Variants in DOCK5 observed in about 807,000 individuals in gnomAD.
The protein encoded by DOCK5 is dedicator of cytokinesis protein 5.
In DOCK5, 142 loss-of-function variants were observed where a neutral mutation model predicts 251.8. The ratio of observed to expected loss-of-function variants is 0.56; its 90% confidence interval spans 0.49 to 0.65. The LOEUF is 0.65. Ranked by LOEUF, DOCK5 falls within the 30% of genes least tolerant of loss-of-function variation. The pLI is 0.00. For missense variants in DOCK5, 2,111 were observed against 2,312.3 expected (o/e 0.91, Z 1.79); for synonymous variants, 842 against 835.5 (o/e 1.01, Z -0.13).
chr8:25,371,034 T>C lies in DOCK5; in HGVS notation c.3524+1393T>C, dbSNP rs148744419. Among the ~76,000 whole-genome samples, 18 of 152,308 alleles carry C rather than the reference T, an allele frequency of 1.2e-4. No homozygotes were observed. In the East Asian group the frequency reaches 3.5e-3, roughly 29 times the overall value. The stretch of plus-strand genomic sequence containing the variant: ...TTGCTTTCTCATGTTCCCTGAACTT[T>C]TCTAGTGTTGACCAACTGCATCTCC... On this transcript the variant is annotated intron_variant, in intron 34 of 51. Coordinates refer to ENST00000276440, the MANE Select transcript of DOCK5 (RefSeq NM_024940.8).
At chr8:25,288,346 G>A (rs1479601520) in intron 5 of DOCK5, among the ~76,000 whole-genome samples, 1 of 152,166 alleles carries the variant, frequency 6.6e-6, no homozygotes, top group African/African-American at 2.4e-5. Flanking sequence ...GAAGTGAATG[G>A]GGAAATTGTT....
At chr8:25,188,104 G>T (rs1403130080) in intron 1 of DOCK5, among the ~76,000 whole-genome samples, 7 of 152,136 alleles carry the variant, frequency 4.6e-5, no homozygotes, top group Admixed American at 3.9e-4. Flanking sequence ...TAGCTTGTCT[G>T]GTAATTGAAT....
chr8:25,352,051 A>T (rs1800478973), intron 27 of DOCK5, among the ~76,000 whole-genome samples: 2 of 151,950 alleles, frequency 1.3e-5, no homozygotes, highest in African/African-American at 4.8e-5. Flanking sequence ...CCTACAAAAA[A>T]TTTAAAAAAT....
Position 25,413,338 on chromosome 8 carries a change from T to G in DOCK5, c.*2040T>G, listed in dbSNP as rs1801662367. ...CAAGTTAGTTCTGCACATACAGCCC[T>G]TCTCCAAATGGTGGTTTCCTTTGAG... On this transcript the variant is annotated 3_prime_UTR_variant, in exon 52 of 52. Transcript: ENST00000276440. 6.6e-6 allele frequency: 1 copy of G among 152,218 alleles called. No homozygotes were observed. Among genetic ancestry groups the G allele is most frequent in the African/African-American group, 2.4e-5 (1 of 41,452 alleles). The allele number at this position is 152,218 out of a possible 1,614,324, so 9.4% of individuals were successfully genotyped here. A position where few individuals can be genotyped will look rare whatever the true frequency, so the allele number is the denominator to read the frequency against.
chr8:25,391,705 T>C (rs777756897), intron 42 of DOCK5, among the ~76,000 whole-genome samples, 191 bp from the exon 43 acceptor site: 5 of 152,098 alleles, frequency 3.3e-5, no homozygotes, highest in Non-Finnish European at 7.4e-5. Flanking sequence ...CTAAATAATA[T>C]AAAAGTAAGG....
intron 26 of DOCK5, among the ~76,000 whole-genome samples, chr8:25,348,742 G>A (rs1341412787): frequency 6.6e-6 from 1 of 151,948 alleles, no homozygotes; most frequent in Non-Finnish European, 1.5e-5. Context: ...GGAGGCTGAG[G>A]CGGGAGAATC....
In DOCK5 at chr8:25,258,112, C is replaced by G. The variant is rs536265432; in HGVS notation, c.128-10733C>G. The stretch of plus-strand genomic sequence containing the variant: ...TATTTCCTTCCTCTCACTGAGCTTC[C>G]AGGGCTCTGTGAAGGCACAGAGGGA... On this transcript the variant is annotated intron_variant, in intron 2 of 51. Coordinates refer to ENST00000276440, the MANE Select transcript of DOCK5 (RefSeq NM_024940.8). 3.9e-5 allele frequency among the ~76,000 whole-genome samples: 6 copies of G among 152,164 alleles called. No individual in the cohort carries two copies. In the East Asian group the frequency reaches 1.2e-3, roughly 30 times the overall value.
Position 25,410,118 on chromosome 8 carries a change from AGAT to A in DOCK5, c.5426_5428del (p.Asp1809del). The stretch of plus-strand genomic sequence containing the variant: ...TTCTAGGCTCCCCATCGTTGCAGAC[AGAT>A]GGAATCGCGGCCACTCCTGTCCCAC... On this transcript the variant is annotated inframe_deletion, in exon 51 of 52. Transcript: ENST00000276440. 6.2e-7 allele frequency: 1 copy of A among 1,613,560 alleles called. No homozygotes were observed. The highest frequency in any genetic ancestry group is 2.2e-5 in the East Asian group (1 of 44,794).
intron 2 of DOCK5, among the ~76,000 whole-genome samples, chr8:25,252,768 G>A (rs941870146): frequency 6.6e-6 from 1 of 152,166 alleles, no homozygotes; most frequent in Non-Finnish European, 1.5e-5. Context: ...TTTAAAAAAA[G>A]CGAATGCCTT....
In DOCK5 at chr8:25,197,670, G is replaced by A. The variant is rs564205918; in HGVS notation, c.43+12719G>A. Among the ~76,000 whole-genome samples, 144 of 137,804 alleles carry A rather than the reference G, an allele frequency of 1.0e-3. 1 individual carries two copies. The highest frequency in any genetic ancestry group is 3.7e-3 in the African/African-American group (132 of 35,316). 90.4% of individuals were successfully genotyped at this position (137,804 alleles called of 152,430 possible). ...GTGATCTCGGCTCATTGCAACCTTC[G>A]CCTCCTGGGTTCAAGAGATTCTCCT... On this transcript the variant is annotated intron_variant, in intron 1 of 51. Coordinates refer to ENST00000276440, the MANE Select transcript of DOCK5 (RefSeq NM_024940.8).
At chr8:25,381,301 G>T (rs976569170) in intron 39 of DOCK5, among the ~76,000 whole-genome samples, 2 of 152,156 alleles carry the variant, frequency 1.3e-5, no homozygotes, top group Admixed American at 6.5e-5. Flanking sequence ...ACCAGCCCCT[G>T]GCTTCACATG....
chr8:25,374,776 GT>G, intron 37 of DOCK5, 122 bp downstream of exon 37: 1 of 1,583,604 alleles, frequency 6.3e-7, no homozygotes, highest in South Asian at 1.1e-5. Context: ...TTTTATACAA[GT>G]TTTTTTAGTT....
At chr8:25,310,055 T>C (rs535724769) in intron 12 of DOCK5, among the ~76,000 whole-genome samples, 1 of 152,316 alleles carries the variant, frequency 6.6e-6, no homozygotes, top group Non-Finnish European at 1.5e-5. Context: ...TCTTTTGCCA[T>C]ATATTAAATT....
At position 25,395,566 on chromosome 8, in the gene DOCK5, T is replaced by C; in HGVS notation, c.4551T>C (p.Asn1517=). 2 of 1,613,292 alleles carry C rather than the reference T, an allele frequency of 1.2e-6. No homozygotes were observed. The highest frequency in any genetic ancestry group is 1.7e-6 in the Non-Finnish European group (2 of 1,179,718). ...AGGAAGAGATCAGTCCTCTGGAGAA[T>C]GCCATCGAAACCATGGAGCTGACCA... is the stretch of plus-strand genomic sequence containing the variant. ...ISTEEISPLE[N]AIETMELTNE... The change falls in exon 45 of 52, where the codon AAT becomes AAC. Residue 1517 remains asparagine (N), a synonymous_variant. Coordinates refer to ENST00000276440, the MANE Select transcript of DOCK5 (RefSeq NM_024940.8).
chr8:25,251,992 CA>C (rs35842362), intron 2 of DOCK5, among the ~76,000 whole-genome samples: 120,579 of 136,292 alleles, frequency 0.88, 53,324 homozygotes, highest in East Asian at 0.98. Flanking sequence ...GACTCTATCT[CA>C]AAAAAAAAAA....
intron 13 of DOCK5, among the ~76,000 whole-genome samples, chr8:25,315,497 CA>C (rs1455094197): frequency 6.6e-6 from 1 of 152,204 alleles, no homozygotes; most frequent in Non-Finnish European, 1.5e-5. Context: ...AGACACCCAG[CA>C]CACGCCTGCT....
At chr8:25,348,549 G>A (rs1291850849) in intron 26 of DOCK5, among the ~76,000 whole-genome samples, 1 of 152,106 alleles carries the variant, frequency 6.6e-6, no homozygotes, top group East Asian at 1.9e-4. Flanking sequence ...TTATTTAAAT[G>A]TATGTCCCAG....
At chr8:25,383,806 G>A (rs528006685) in intron 40 of DOCK5, among the ~76,000 whole-genome samples, 44 of 151,936 alleles carry the variant, frequency 2.9e-4, no homozygotes, top group South Asian at 2.3e-3. Context: ...ATTGAGCCGA[G>A]ATCACACCAC....
intron 3 of DOCK5, among the ~76,000 whole-genome samples, chr8:25,274,423 T>C (rs1803990516): frequency 6.6e-6 from 1 of 152,216 alleles, no homozygotes. Flanking sequence ...CCTCTGTGTG[T>C]GAGCATATCA....
Sources: allele counts gnomAD v4.1 joint callset (sites outside exome capture counted in the v4.1 genomes callset), GRCh38; gene constraint gnomAD v4.1.1; transcripts MANE v1.5; gene names NCBI Gene and HGNC (gene_info 2026-07-23, HGNC 2026-07-21).